CFAP99: variants seen among roughly 807,000 people sequenced by gnomAD.
CFAP99 encodes cilia and flagella associated protein 99, also known as cilia- and flagella-associated protein 99.
A neutral mutation model predicts 82.7 loss-of-function variants in CFAP99; 84 were observed. That is an observed-to-expected ratio of 1.02 (90% CI 0.85 to 1.22). The LOEUF (loss-of-function observed/expected upper bound fraction) is 1.22. Among genes scored for constraint, CFAP99 ranks in the 50% most tolerant of loss-of-function variants. CFAP99 has a pLI of 0.00. For synonymous variants in CFAP99, 456 were observed against 429.5 expected (o/e 1.06, Z -0.76); for missense variants, 1,059 against 983.5 (o/e 1.08, Z -1.03).
chr4:2,421,879 C>CAAAA (rs34014257), intron 1 of CFAP99, among the ~76,000 whole-genome samples: 1 of 101,538 alleles, frequency 9.8e-6, no homozygotes, highest in Non-Finnish European at 2.2e-5. Context: ...CCTGTCTCTA[C>CAAAA]AAAAAAAAAA....
intron 8 of CFAP99, chr4:2,450,354 T>G (rs988379012): frequency 5.1e-5 from 18 of 351,670 alleles, no homozygotes; most frequent in African/African-American, 3.6e-4. Flanking sequence ...AAAAGCAAGG[T>G]AATGACGACA....
At chr4:2,458,281 TTAAAG>T (rs1029566014) in intron 11 of CFAP99, among the ~76,000 whole-genome samples, 2 of 152,230 alleles carry the variant, frequency 1.3e-5, no homozygotes, top group African/African-American at 2.4e-5. Context: ...AAAGAAACTT[TTAAAG>T]TAATTTTTTA....
chr4:2,452,487 C>T, intron 11 of CFAP99, 141 bp downstream of exon 11: 1 of 882,242 alleles, frequency 1.1e-6, no homozygotes, highest in Non-Finnish European at 1.7e-6. Flanking sequence ...GTCCTGGCTC[C>T]TCTTCCTCCT....
intron 8 of CFAP99, 137 bp downstream of exon 8, chr4:2,450,142 TA>T: frequency 3.5e-6 from 3 of 861,274 alleles, no homozygotes; most frequent in Non-Finnish European, 5.5e-6. Context: ...GGATTCCCAG[TA>T]GCACTGGGAA....
At chr4:2,438,512 TCGG>T (rs1560381672) in intron 4 of CFAP99, among the ~76,000 whole-genome samples, 1 of 152,148 alleles carries the variant, frequency 6.6e-6, no homozygotes, top group African/African-American at 2.4e-5. Flanking sequence ...TCCGCCCGCC[TCGG>T]CCTCCCAAAG....
intron 3 of CFAP99, among the ~76,000 whole-genome samples, chr4:2,437,712 T>G (rs949347894): frequency 6.6e-6 from 1 of 152,216 alleles, no homozygotes; most frequent in Non-Finnish European, 1.5e-5. Flanking sequence ...AGTTCCTGCC[T>G]TGGCGGAAAC....
chr4:2,426,685 C>A, intron 2 of CFAP99, 99 bp downstream of exon 2: 2 of 771,816 alleles, frequency 2.6e-6, no homozygotes, highest in Non-Finnish European at 4.4e-6. Flanking sequence ...CGACTGCCTT[C>A]CTTCCACATG....
At chr4:2,422,916 C>T (rs1277966970) in intron 1 of CFAP99, among the ~76,000 whole-genome samples, 1 of 152,206 alleles carries the variant, frequency 6.6e-6, no homozygotes, top group African/African-American at 2.4e-5. Context: ...AAGGGATCCT[C>T]CCACCTCAGC....
intron 4 of CFAP99, among the ~76,000 whole-genome samples, chr4:2,441,576 G>A (rs926314642): frequency 3.3e-5 from 5 of 152,128 alleles, no homozygotes; most frequent in Admixed American, 3.3e-4. Context: ...ACAGGGTGGT[G>A]CCCCCAACAC....
At chr4:2,434,896 AC>A (rs1733877230) in intron 2 of CFAP99, among the ~76,000 whole-genome samples, 1 of 152,176 alleles carries the variant, frequency 6.6e-6, no homozygotes, top group African/African-American at 2.4e-5. Context: ...GCAGAGCAGT[AC>A]CCAGATTGTT....
chr4:2,453,499 G>C (rs767201408), intron 11 of CFAP99, among the ~76,000 whole-genome samples: 3 of 152,206 alleles, frequency 2.0e-5, no homozygotes, highest in Non-Finnish European at 4.4e-5. Flanking sequence ...CAAAGTGTGA[G>C]AGGGGTCTGA....
chr4:2,453,618 T>A (rs989553437), intron 11 of CFAP99, among the ~76,000 whole-genome samples: 2 of 151,270 alleles, frequency 1.3e-5, no homozygotes, highest in African/African-American at 4.9e-5. Flanking sequence ...CTCATTTATT[T>A]ATCAGTGAAT....
intron 4 of CFAP99, among the ~76,000 whole-genome samples, chr4:2,442,432 C>T (rs144457686): frequency 6.6e-6 from 1 of 152,150 alleles, no homozygotes; most frequent in African/African-American, 2.4e-5. Context: ...GGCGTGGAGG[C>T]CCGAGGGGAG....
intron 2 of CFAP99, among the ~76,000 whole-genome samples, chr4:2,430,583 C>T (rs1017534036): frequency 6.6e-6 from 1 of 151,950 alleles, no homozygotes; most frequent in Non-Finnish European, 1.5e-5. Flanking sequence ...AAATGGCAGA[C>T]TCCGGACAGC....
intron 5 of CFAP99, among the ~76,000 whole-genome samples, chr4:2,443,550 G>C (rs1041017505): frequency 2.6e-5 from 4 of 152,224 alleles, no homozygotes; most frequent in Admixed American, 1.3e-4. Context: ...GAATGGGGCA[G>C]AGCCGGCCCT....
exon 12 of CFAP99, chr4:2,458,825 G>T (rs748899968): frequency 3.3e-6 from 5 of 1,535,918 alleles, no homozygotes; most frequent in Middle Eastern, 3.4e-4. Flanking sequence ...GAACGCCAAG[G>T]CGGCCCAGAC....
At chr4:2,452,147 A>G (rs1447484607) in exon 11 of CFAP99, 4 of 1,535,996 alleles carry the variant, frequency 2.6e-6, no homozygotes, top group Non-Finnish European at 2.6e-6. Flanking sequence ...CCCAGGGTTG[A>G]TAAGCTCGTG....
exon 4 of CFAP99, chr4:2,438,092 C>T: frequency 6.5e-7 from 1 of 1,534,980 alleles, no homozygotes; most frequent in Non-Finnish European, 8.7e-7. Context: ...TAGCCACATT[C>T]CTGCTGGAGG....
chr4:2,436,302 T>C (rs1733906192), intron 2 of CFAP99, among the ~76,000 whole-genome samples: 1 of 152,116 alleles, frequency 6.6e-6, no homozygotes, highest in African/African-American at 2.4e-5. Context: ...TGCTCATGCA[T>C]CATTCATTTT....
Sources: gnomAD v4.1 joint callset for allele counts (sites outside exome capture counted in the v4.1 genomes callset) on GRCh38, gnomAD v4.1.1 for gene constraint, MANE v1.5 for transcripts, NCBI Gene and HGNC (gene_info 2026-07-23, HGNC 2026-07-21) for gene names.